The following BCAS3 variants were observed in gnomAD, a reference collection of about 807,000 sequenced individuals.
The protein encoded by BCAS3 is BCAS3 microtubule associated cell migration factor.
BCAS3 carries 53 observed loss-of-function variants against 116.1 expected under a neutral mutation model. The observed-to-expected ratio is 0.46, with a 90% confidence interval of 0.37 to 0.57. BCAS3 has a LOEUF of 0.57. BCAS3 is among the 20% of genes least tolerant of loss of function. BCAS3 has a pLI of 0.00. For synonymous variants in BCAS3, 391 were observed against 408.2 expected (o/e 0.96, Z 0.51); for missense variants, 917 against 1,165.4 (o/e 0.79, Z 3.10).
rs956171650 is a variant in BCAS3, at chr17:61,276,597, C to T, written c.2426-91730C>T. On this transcript the variant is annotated intron_variant, in intron 22 of 23. Coordinates refer to ENST00000407086, the MANE Select transcript of BCAS3 (RefSeq NM_017679.5). This position sits in a 1 kb window ranked among gnomAD's most constrained non-coding sequence, Gnocchi z 4.2. ...AGATCAGAAGACAAAATTGTTAAGACGGCAGTGCTCCCCAAATTGATCTAC... is the reference window on the plus strand; with the variant it reads ...AGATCAGAAGACAAAATTGTTAAGATGGCAGTGCTCCCCAAATTGATCTAC... Among the ~76,000 whole-genome samples the T allele has an allele frequency of 4.6e-5, 7 of 152,112 alleles. No individual in the cohort carries two copies. The highest frequency in any genetic ancestry group is 2.0e-4 in the Admixed American group (3 of 15,266).
chr17:60,755,331 G>A (rs1743499025), intron 6 of BCAS3, among the ~76,000 whole-genome samples: 1 of 152,158 alleles, frequency 6.6e-6, no homozygotes, highest in South Asian at 2.1e-4. Context: ...TAGGTTGTTT[G>A]TATACATTAT....
chr17:60,803,007 C>T (rs1306708283), intron 6 of BCAS3, among the ~76,000 whole-genome samples: 1 of 152,148 alleles, frequency 6.6e-6, no homozygotes, highest in Non-Finnish European at 1.5e-5. Context: ...TTTAGTCTTT[C>T]CTCTTGGACT....
At chr17:60,754,889 T>C (rs1460493935) in intron 6 of BCAS3, among the ~76,000 whole-genome samples, 4 of 152,180 alleles carry the variant, frequency 2.6e-5, no homozygotes, top group Non-Finnish European at 5.9e-5. Context: ...GCTTCTCTAA[T>C]GTTTTCCGCT....
At chr17:60,868,704 T>G in intron 8 of BCAS3, 21 bp downstream of exon 8, 696 of 1,440,954 alleles carry the variant, frequency 4.8e-4, no homozygotes, top group Non-Finnish European at 6.0e-4. Flanking sequence ...TTTCATGGGT[T>G]TCTTGTGTAA....
chr17:60,680,163 AAATAGAATAT>A (rs1319389857), intron 2 of BCAS3, among the ~76,000 whole-genome samples: 2 of 151,258 alleles, frequency 1.3e-5, no homozygotes, highest in African/African-American at 2.4e-5. Flanking sequence ...AAAGAAAATG[AAATAGAATAT>A]AATAGAAAAT....
At chr17:61,096,738 G>A (rs1233364511) in intron 22 of BCAS3, among the ~76,000 whole-genome samples, 1 of 152,122 alleles carries the variant, frequency 6.6e-6, no homozygotes, top group Non-Finnish European at 1.5e-5. Flanking sequence ...CTACGATGTT[G>A]AATAGAAATG....
At chr17:60,905,198 G>A (rs866077353) in intron 11 of BCAS3, among the ~76,000 whole-genome samples, 1 of 152,128 alleles carries the variant, frequency 6.6e-6, no homozygotes, top group Non-Finnish European at 1.5e-5. Context: ...AATATATGCT[G>A]TGTCACAATC....
At chr17:61,311,877 G>A (rs1195211703) in intron 22 of BCAS3, among the ~76,000 whole-genome samples, 1 of 149,072 alleles carries the variant, frequency 6.7e-6, no homozygotes, top group East Asian at 1.9e-4. Context: ...CTGGGTGACA[G>A]AGCGAGACTC....
intron 6 of BCAS3, among the ~76,000 whole-genome samples, chr17:60,798,216 A>G (rs570846450): frequency 3.9e-4 from 60 of 152,350 alleles, no homozygotes; most frequent in African/African-American, 1.4e-3. Flanking sequence ...CTTGGTCTAC[A>G]TTCTAGAAAT....
rs920699387 is a variant in BCAS3, at chr17:61,290,788, A to AT, written c.2426-77529dup. ...GTGGTCAAGGGACTTTTTAGTTTGC[A>AT]TTTTTTTTTTGAGTCAGAGTCTCGC... On this transcript the variant is annotated intron_variant, in intron 22 of 23. Coordinates refer to ENST00000407086, the MANE Select transcript of BCAS3 (RefSeq NM_017679.5). 3.5e-4 allele frequency among the ~76,000 whole-genome samples: 52 copies of AT among 149,056 alleles called. 1 individual carries two copies. The highest frequency in any genetic ancestry group is 1.1e-3 in the South Asian group (5 of 4,666).
intron 23 of BCAS3, among the ~76,000 whole-genome samples, chr17:61,385,913 A>G (rs2059823410): frequency 6.6e-6 from 1 of 152,222 alleles, no homozygotes; most frequent in Non-Finnish European, 1.5e-5. Context: ...ATTAAAAAGA[A>G]AGAATCCTTC....
At chr17:60,730,924 C>T (rs1260571559) in intron 5 of BCAS3, among the ~76,000 whole-genome samples, 1 of 152,118 alleles carries the variant, frequency 6.6e-6, no homozygotes, top group African/African-American at 2.4e-5. Flanking sequence ...TTCAGTAGAG[C>T]TGGCTCTGTA....
rs2060108533 is a variant in BCAS3, at chr17:61,391,063, A to C, written c.2594-914A>C. On this transcript the variant is annotated intron_variant, in intron 23 of 23. Transcript: ENST00000407086. This position sits in a 1 kb window ranked among gnomAD's most constrained non-coding sequence, Gnocchi z 7.7. ...CAAGAAGTAATTGGTTCTTCCTTGC[A>C]CTCAGCAAGCAGGGAATTCCATTCC... 1 of 152,272 alleles carries C rather than the reference A, an allele frequency of 6.6e-6. No homozygotes were observed. The highest frequency in any genetic ancestry group is 2.1e-4 in the South Asian group (1 of 4,836). 9.4% of individuals were successfully genotyped at this position (152,272 alleles called of 1,614,324 possible).
chr17:61,350,476 G>C (rs138719379), intron 22 of BCAS3, among the ~76,000 whole-genome samples: 1 of 151,320 alleles, frequency 6.6e-6, no homozygotes, highest in East Asian at 1.9e-4. Context: ...ATGTATTTAA[G>C]GTATGCCCAA....
chr17:61,161,718 C>T lies in BCAS3; in HGVS notation c.2425+77154C>T, dbSNP rs936434812. ...GGAGGGGAGTAGCCAGCGCCCCTCC[C>T]CTCAGCACACATACCAGCCCCCGCA... On this transcript the variant is annotated intron_variant, in intron 22 of 23. Coordinates refer to ENST00000407086, the MANE Select transcript of BCAS3 (RefSeq NM_017679.5). This position sits in a 1 kb window ranked among gnomAD's most constrained non-coding sequence, Gnocchi z 4.8. Among the ~76,000 whole-genome samples, 1 of 152,066 alleles carries T rather than the reference C, an allele frequency of 6.6e-6. No individual in the cohort carries two copies. The highest frequency in any genetic ancestry group is 1.5e-5 in the Non-Finnish European group (1 of 68,022).
intron 14 of BCAS3, among the ~76,000 whole-genome samples, chr17:60,969,915 C>T (rs566534352): frequency 6.6e-6 from 1 of 152,228 alleles, no homozygotes; most frequent in African/African-American, 2.4e-5. Context: ...TATTGGCCAC[C>T]TGAAGTTTTC....
rs1238181398 is a variant in BCAS3, at chr17:60,960,556, T to C, written c.1221+13204T>C. Among the ~76,000 whole-genome samples, 1 of 152,186 alleles carries C rather than the reference T, an allele frequency of 6.6e-6. No individual in the cohort carries two copies. The highest frequency in any genetic ancestry group is 1.9e-4 in the East Asian group (1 of 5,192). ...CAAGGCCAGAGTTTCCCATCTGGCT[T>C]GAGGCACTGCCCTCCTGGACTGCGG... On this transcript the variant is annotated intron_variant, in intron 14 of 23. Transcript: ENST00000407086. The surrounding 1 kb of genome is among the most constrained non-coding windows in gnomAD (Gnocchi z 4.1).
At chr17:61,044,465 A>AAAAT in intron 19 of BCAS3, among the ~76,000 whole-genome samples, 7 of 120,114 alleles carry the variant, frequency 5.8e-5, no homozygotes, top group African/African-American at 3.5e-4. Flanking sequence ...AAAAAAAAAA[A>AAAAT]ATATATATAT....
At chr17:60,856,697 TA>T (rs1036086793) in intron 7 of BCAS3, among the ~76,000 whole-genome samples, 6 of 149,226 alleles carry the variant, frequency 4.0e-5, no homozygotes, top group South Asian at 2.1e-4. Context: ...TCCAAAAAAA[TA>T]AAAAAAAAAT....
Sources: gnomAD v4.1 joint callset for allele counts (sites outside exome capture counted in the v4.1 genomes callset) on GRCh38, gnomAD v4.1.1 for gene constraint, Gnocchi (gnomAD v3.1) non-coding constraint, MANE v1.5 for transcripts, NCBI Gene and HGNC (gene_info 2026-07-23, HGNC 2026-07-21) for gene names.